RFESD: variants seen among roughly 807,000 people sequenced by gnomAD.
The protein encoded by RFESD is Rieske domain-containing protein.
Under a neutral mutation model 24.4 loss-of-function variants are expected in RFESD, and 16 were observed. The ratio of observed to expected loss-of-function variants is 0.66; its 90% CI spans 0.44 to 1.00. The LOEUF (loss-of-function observed/expected upper bound fraction) is 1.00. RFESD is among the 50% of genes least tolerant of loss of function. The pLI, the probability that RFESD is intolerant of heterozygous loss-of-function variation, is 0.00. For missense variants in RFESD, 208 were observed against 247.0 expected (o/e 0.84, Z 1.06); for synonymous variants, 59 against 81.8 (o/e 0.72, Z 1.50).
intron 1 of RFESD, chr5:95,647,442 G>C (rs1750153253): frequency 6.6e-6 from 1 of 152,178 alleles, no homozygotes; most frequent in Admixed American, 6.5e-5. Flanking sequence ...AAAAGAAACT[G>C]CAGCACAGCG....
Position 95,657,941 on chromosome 5 carries a change from C to G in RFESD, c.*1632C>G, listed in dbSNP as rs1750864463. ...TCAAAGTACTTTCTTCAGGCAAAAA[C>G]TAGCCCTGGTTTGCAGGAATAATTA... is the stretch of plus-strand genomic sequence containing the variant. On this transcript the variant is annotated 3_prime_UTR_variant, in exon 6 of 6. Transcript: ENST00000380005. 5.9e-5 allele frequency: 9 copies of G among 151,864 alleles called. 1 individual carries two copies. Among genetic ancestry groups the G allele is most frequent in the South Asian group, 2.1e-4 (1 of 4,824 alleles). The allele number at this position is 151,864 out of a possible 1,614,324, so 9.4% of individuals were successfully genotyped here. A position where few individuals can be genotyped will look rare whatever the true frequency, so the allele number is the denominator to read the frequency against.
intron 1 of RFESD, chr5:95,647,028 A>C (rs1475044952): frequency 6.6e-6 from 1 of 152,282 alleles, no homozygotes; most frequent in East Asian, 1.9e-4. Context: ...GTTCACCTTG[A>C]AACTTGGGCC....
intron 5 of RFESD, among the ~76,000 whole-genome samples, chr5:95,655,150 T>A (rs1750665074): frequency 6.6e-6 from 1 of 152,194 alleles, no homozygotes; most frequent in Non-Finnish European, 1.5e-5. Flanking sequence ...TTAAAGAACG[T>A]ATGTGTGTTT....
chr5:95,656,200 T>A lies in RFESD; in HGVS notation c.524T>A (p.Val175Glu). The A allele has an allele frequency of 6.2e-7, 1 of 1,614,052 alleles. No homozygotes were observed. The highest frequency in any genetic ancestry group is 1.7e-5 in the Admixed American group (1 of 60,020). Residue 175 changes from valine (V) to glutamate (E), a missense_variant, in exon 6 of 6, where the codon GTG becomes GAG. By Grantham distance (121) the Val-to-Glu change is moderately radical. Coordinates refer to ENST00000380005, the MANE Select transcript of RFESD (RefSeq NM_001131066.2). ...GGAATAAAGCAAAGGATTCACACAG[T>A]GACAGTAGACAACGGAAATATTTAT... ...SKGIKQRIHT[V>E]TVDNGNIYVT...
Position 95,656,026 on chromosome 5 carries a change from T to A in RFESD, c.370-20T>A. 1 of 1,605,788 alleles carries A rather than the reference T, an allele frequency of 6.2e-7. No homozygotes were observed. The highest frequency in any genetic ancestry group is 8.5e-7 in the Non-Finnish European group (1 of 1,175,316). On this transcript the variant is annotated intron_variant, in intron 5 of 5. Coordinates refer to ENST00000380005, the MANE Select transcript of RFESD (RefSeq NM_001131066.2). ...ACATTTGACATGTCAGAATATTAAA[T>A]GAGTTATTCTCTTCCCCAGGATTTT...
In RFESD at chr5:95,656,352, AC is replaced by A. The variant is rs1278339067; in HGVS notation, c.*44del. On this transcript the variant is annotated 3_prime_UTR_variant, in exon 6 of 6. Coordinates refer to ENST00000380005, the MANE Select transcript of RFESD (RefSeq NM_001131066.2). ...TGAAAAATGTTGTGTATGCTTGAAA[AC>A]ATTTTTAGAATAACTCTGCTTCAGT... The A allele has an allele frequency of 2.0e-6, 3 of 1,474,220 alleles. No individual in the cohort carries two copies. The African/African-American group carries it at 4.2e-5, about 21-fold the overall frequency. 91.3% of individuals were successfully genotyped at this position (1,474,220 alleles called of 1,614,324 possible).
intron 2 of RFESD, chr5:95,652,802 C>T (rs1011570844): frequency 3.0e-6 from 1 of 336,172 alleles, no homozygotes; most frequent in Admixed American, 4.6e-5. Flanking sequence ...TCCCCTACAG[C>T]ATCAACCCCC....
intron 1 of RFESD, among the ~76,000 whole-genome samples, chr5:95,651,097 CAAAAA>C (rs1006612798): frequency 1.0e-4 from 5 of 48,370 alleles, no homozygotes; most frequent in African/African-American, 3.1e-4. Flanking sequence ...GACTCCGTCT[CAAAAA>C]AAAAAAAAAA....
chr5:95,648,417 G>T (rs1157722851), intron 1 of RFESD, among the ~76,000 whole-genome samples: 1 of 152,042 alleles, frequency 6.6e-6, no homozygotes, highest in Non-Finnish European at 1.5e-5. Flanking sequence ...ACTTAAAATC[G>T]AAACATATTG....
At chr5:95,652,570 C>T (rs1044689964) in intron 2 of RFESD, 2 of 420,848 alleles carry the variant, frequency 4.8e-6, no homozygotes, top group Non-Finnish European at 8.1e-6. Flanking sequence ...CCTAGCTGCA[C>T]AAACCTAAAA....
chr5:95,654,392 A>C (rs771165683), intron 5 of RFESD, 25 bp downstream of exon 5: 1 of 1,408,360 alleles, frequency 7.1e-7, no homozygotes, highest in Non-Finnish European at 9.9e-7. Context: ...ATTTATTTTC[A>C]GCAAATTCAG....
At chr5:95,655,800 A>G (rs1750718312) in intron 5 of RFESD, 3 of 428,784 alleles carry the variant, frequency 7.0e-6, no homozygotes, top group Non-Finnish European at 8.2e-6. Context: ...CTGCAGTCAC[A>G]TGGTTTAGTT....
At chr5:95,649,553 G>T (rs1750230745) in intron 1 of RFESD, among the ~76,000 whole-genome samples, 1 of 152,160 alleles carries the variant, frequency 6.6e-6, no homozygotes, top group African/African-American at 2.4e-5. Flanking sequence ...ATGCCAAATT[G>T]TGGTAGCACT....
At chr5:95,651,118 A>G (rs1580257261) in intron 1 of RFESD, among the ~76,000 whole-genome samples, 1 of 151,724 alleles carries the variant, frequency 6.6e-6, no homozygotes, top group South Asian at 2.1e-4. Flanking sequence ...AAAAAAAAAA[A>G]AAGAAGTGGG....
intron 1 of RFESD, among the ~76,000 whole-genome samples, chr5:95,648,385 A>T (rs892602992): frequency 3.9e-5 from 6 of 152,190 alleles, no homozygotes; most frequent in Non-Finnish European, 8.8e-5. Flanking sequence ...CATTCAGTTA[A>T]GATTCTATTA....
At chr5:95,652,550 C>T (rs1257550615) in intron 2 of RFESD, 2 of 493,634 alleles carry the variant, frequency 4.1e-6, no homozygotes, top group Admixed American at 3.8e-5. Context: ...GTCTTTGGCA[C>T]TACAGTTCAC....
rs1750117598 is a variant in RFESD at position 95,646,803 on chromosome 5, G to C, written c.-150G>C. On this transcript the variant is annotated 5_prime_UTR_variant, in exon 1 of 6. Transcript: ENST00000380005. ...CAGTAGCGTCACGCGGAGGCGGAGCGAGGACTCGGGGACAGTAAGTTCTGT... is the reference window on the plus strand; with the variant it reads ...CAGTAGCGTCACGCGGAGGCGGAGCCAGGACTCGGGGACAGTAAGTTCTGT... 6.6e-6 allele frequency: 1 copy of C among 152,280 alleles called. No individual in the cohort carries two copies. Among genetic ancestry groups the C allele is most frequent in the Non-Finnish European group, 1.5e-5 (1 of 68,102 alleles). 9.4% of individuals were successfully genotyped at this position (152,280 alleles called of 1,614,324 possible). A position where few individuals can be genotyped will look rare whatever the true frequency, so the allele number is the denominator to read the frequency against.
At chr5:95,650,520 T>C (rs1441639232) in intron 1 of RFESD, among the ~76,000 whole-genome samples, 1 of 152,238 alleles carries the variant, frequency 6.6e-6, no homozygotes, top group Non-Finnish European at 1.5e-5. Flanking sequence ...TTTCTAAAGC[T>C]CACTCCTAAC....
At chr5:95,654,295 T>A (rs772587611) in intron 4 of RFESD, 38 bp from the exon 5 acceptor site, 149 of 1,610,464 alleles carry the variant, frequency 9.3e-5, no homozygotes, top group Non-Finnish European at 1.3e-4. Flanking sequence ...AAATTTCAGT[T>A]TTTTAGTGAC....
Sources: allele counts gnomAD v4.1 joint callset (sites outside exome capture counted in the v4.1 genomes callset), GRCh38; gene constraint gnomAD v4.1.1; transcripts MANE v1.5; gene names NCBI Gene and HGNC (gene_info 2026-07-23, HGNC 2026-07-21).